AGBL4: variants seen among roughly 807,000 people sequenced by gnomAD.
The protein encoded by AGBL4 is AGBL carboxypeptidase 4.
Under a neutral mutation model 66.4 loss-of-function variants are expected in AGBL4, and 58 were observed. The ratio of observed to expected loss-of-function variants is 0.87; its 90% confidence interval spans 0.71 to 1.09. AGBL4 has a LOEUF of 1.09. AGBL4 is among the 50% of genes least tolerant of loss of function. The pLI, the probability that AGBL4 is intolerant of heterozygous loss-of-function variation, is 0.00. For missense variants in AGBL4, 579 were observed against 631.0 expected, an observed-to-expected ratio of 0.92 and a Z score of 0.88; for synonymous variants, 234 against 222.9, an observed-to-expected ratio of 1.05 and a Z score of -0.44.
intron 6 of AGBL4, among the ~76,000 whole-genome samples, chr1:48,717,236 T>C (rs1190094950): frequency 2.0e-5 from 3 of 152,184 alleles, no homozygotes; most frequent in South Asian, 2.1e-4. Flanking sequence ...TTTGCACTCT[T>C]CCCCACACCA....
Position 49,465,381 on chromosome 1 carries a change from CA to C in AGBL4, c.283-219518del, listed in dbSNP as rs997631044. Among the ~76,000 whole-genome samples, 24 of 151,726 alleles carry C rather than the reference CA, an allele frequency of 1.6e-4. 1 individual carries two copies. The highest frequency in any genetic ancestry group is 7.2e-4 in the Admixed American group (11 of 15,202). The stretch of plus-strand genomic sequence containing the variant: ...CTTTTCCTCTTAGAGCCTGTGTCCT[CA>C]TTTGTAAAACTGTCAGAATAAGAGC... On this transcript the variant is annotated intron_variant, in intron 3 of 13. Transcript: ENST00000371839.
chr1:49,055,334 A>T (rs1475730696), intron 4 of AGBL4, among the ~76,000 whole-genome samples: 1 of 152,064 alleles, frequency 6.6e-6, no homozygotes, highest in Non-Finnish European at 1.5e-5. Context: ...AAGTAACTGT[A>T]TAAATATTTG....
chr1:48,718,390 C>A (rs897551494), intron 6 of AGBL4, among the ~76,000 whole-genome samples: 4 of 152,192 alleles, frequency 2.6e-5, no homozygotes, highest in Admixed American at 2.6e-4. Flanking sequence ...GCTTAAATGG[C>A]CTATAAACAC....
intron 3 of AGBL4, among the ~76,000 whole-genome samples, chr1:49,286,401 A>C (rs1455358013): frequency 6.6e-6 from 1 of 152,054 alleles, no homozygotes; most frequent in African/African-American, 2.4e-5. Context: ...GTATTCAATT[A>C]GGAAAAGAGG....
chr1:49,960,514 T>C (rs573341878), intron 1 of AGBL4, among the ~76,000 whole-genome samples: 1 of 152,158 alleles, frequency 6.6e-6, no homozygotes, highest in African/African-American at 2.4e-5. Context: ...AGGATGACTA[T>C]TCTTAAAAAC....
chr1:49,131,520 C>A (rs1372585005), intron 4 of AGBL4, among the ~76,000 whole-genome samples: 1 of 151,932 alleles, frequency 6.6e-6, no homozygotes, highest in Non-Finnish European at 1.5e-5. Context: ...GGCATGAATA[C>A]AACATAGAAG....
chr1:49,185,477 C>T (rs1228954303), intron 4 of AGBL4, among the ~76,000 whole-genome samples: 1 of 152,156 alleles, frequency 6.6e-6, no homozygotes. Flanking sequence ...ACCCTCCTTC[C>T]CTTTCACCAC....
intron 6 of AGBL4, among the ~76,000 whole-genome samples, chr1:48,826,869 T>G (rs1344096455): frequency 6.6e-6 from 1 of 152,090 alleles, no homozygotes; most frequent in Non-Finnish European, 1.5e-5. Context: ...TTCCATTGCA[T>G]CACTTCACAC....
intron 3 of AGBL4, among the ~76,000 whole-genome samples, chr1:49,369,651 G>A (rs1042121415): frequency 6.6e-6 from 1 of 151,968 alleles, no homozygotes; most frequent in African/African-American, 2.4e-5. Flanking sequence ...AAATTCACAG[G>A]GTCCTCTCAA....
At chr1:48,944,203 C>A (rs978772203) in intron 5 of AGBL4, among the ~76,000 whole-genome samples, 2 of 152,070 alleles carry the variant, frequency 1.3e-5, no homozygotes, top group Admixed American at 6.6e-5. Flanking sequence ...CCAGCTGGGA[C>A]CACAGAGGAG....
chr1:48,904,637 C>A (rs1652409107), intron 5 of AGBL4, among the ~76,000 whole-genome samples: 2 of 152,228 alleles, frequency 1.3e-5, no homozygotes, highest in South Asian at 4.2e-4. Context: ...TCTGTTTCCT[C>A]ATATGTAAAA....
chr1:48,697,241 A>G (rs1463867073), intron 6 of AGBL4, among the ~76,000 whole-genome samples: 1 of 152,044 alleles, frequency 6.6e-6, no homozygotes. Context: ...CCAAAGCACC[A>G]CCTGGTTCAT....
chr1:49,877,417 C>T (rs1647049917), intron 1 of AGBL4, among the ~76,000 whole-genome samples: 1 of 151,908 alleles, frequency 6.6e-6, no homozygotes, highest in African/African-American at 2.4e-5. Flanking sequence ...TTGAGATAAT[C>T]ATGTGGTTTT....
chr1:49,976,368 G>C (rs1658556381), intron 1 of AGBL4, among the ~76,000 whole-genome samples: 1 of 151,788 alleles, frequency 6.6e-6, no homozygotes, highest in Non-Finnish European at 1.5e-5. Flanking sequence ...TGCACTTTGG[G>C]GGTTAAAATG....
chr1:49,318,941 C>T (rs1484634494), intron 3 of AGBL4, among the ~76,000 whole-genome samples: 3 of 152,030 alleles, frequency 2.0e-5, no homozygotes, highest in African/African-American at 7.2e-5. Context: ...GCATCAAGAT[C>T]CAGAAAGAGA....
At chr1:49,513,905 G>T (rs1461665402) in intron 3 of AGBL4, among the ~76,000 whole-genome samples, 1 of 151,952 alleles carries the variant, frequency 6.6e-6, no homozygotes, top group Non-Finnish European at 1.5e-5. Context: ...ATACAGTTAT[G>T]CAGGGTCTTC....
chr1:49,822,975 T>G (rs985517989), intron 2 of AGBL4, among the ~76,000 whole-genome samples: 4 of 152,178 alleles, frequency 2.6e-5, no homozygotes, highest in African/African-American at 9.7e-5. Flanking sequence ...AAGAAGTAGA[T>G]GCATCTCCTC....
rs368180727 is a variant in AGBL4, at chr1:49,612,564, C to T, written c.282+84749G>A. ...ACTAATAATCCAATTAAAAAGTGGGCAAAGGACATGAACAGATACTTTTCG... is the reference window on the plus strand; with the variant it reads ...ACTAATAATCCAATTAAAAAGTGGGTAAAGGACATGAACAGATACTTTTCG... On this transcript the variant is annotated intron_variant, in intron 3 of 13. Transcript: ENST00000371839. Among the ~76,000 whole-genome samples, 55 of 152,132 alleles carry T rather than the reference C, an allele frequency of 3.6e-4. No individual in the cohort carries two copies. The South Asian group carries it at 9.4e-3, about 26-fold the overall frequency.
intron 11 of AGBL4, among the ~76,000 whole-genome samples, chr1:48,559,244 C>A (rs1178900530): frequency 3.9e-5 from 6 of 152,152 alleles, no homozygotes; most frequent in Non-Finnish European, 8.8e-5. Flanking sequence ...ATTATAATCA[C>A]AAGGAGACAG....
Sources: allele counts gnomAD v4.1 joint callset (sites outside exome capture counted in the v4.1 genomes callset), GRCh38; gene constraint gnomAD v4.1.1; transcripts MANE v1.5; gene names NCBI Gene and HGNC (gene_info 2026-07-23, HGNC 2026-07-21).